The following DOCK3 variants were observed in gnomAD, a reference collection of about 807,000 sequenced individuals.
DOCK3 encodes the protein dedicator of cytokinesis 3.
Under a neutral mutation model 265.6 loss-of-function variants are expected in DOCK3, and 60 were observed. The observed-to-expected ratio is 0.23, with a 90% CI of 0.18 to 0.28. The LOEUF is 0.28. DOCK3 is among the 10% of genes least tolerant of loss of function. DOCK3 has a pLI of 1.00. For missense variants in DOCK3, 1,981 were observed against 2,594.3 expected (o/e 0.76, Z 5.14); for synonymous variants, 881 against 938.0 (o/e 0.94, Z 1.11).
At chr3:50,845,699 G>A (rs2046046850) in intron 3 of DOCK3, among the ~76,000 whole-genome samples, 1 of 152,204 alleles carries the variant, frequency 6.6e-6, no homozygotes, top group South Asian at 2.1e-4. Context: ...ATAAAATAGG[G>A]TTTATCAGGA....
intron 1 of DOCK3, among the ~76,000 whole-genome samples, chr3:50,760,444 T>C (rs2040454029): frequency 6.6e-6 from 1 of 152,222 alleles, no homozygotes; most frequent in Non-Finnish European, 1.5e-5. Flanking sequence ...AAATCATACC[T>C]TGAGTATTAA....
intron 5 of DOCK3, among the ~76,000 whole-genome samples, chr3:50,939,156 A>T (rs2051558196): frequency 6.6e-6 from 1 of 152,128 alleles, no homozygotes; most frequent in South Asian, 2.1e-4. Context: ...ACAACTTTAC[A>T]TACATGATAG....
intron 6 of DOCK3, among the ~76,000 whole-genome samples, chr3:51,071,751 A>G (rs1364561189): frequency 6.6e-6 from 1 of 152,198 alleles, no homozygotes; most frequent in African/African-American, 2.4e-5. Flanking sequence ...CTGTGAAGAT[A>G]GAGATCATGT....
intron 9 of DOCK3, among the ~76,000 whole-genome samples, chr3:51,112,315 A>G (rs756183656): frequency 1.3e-5 from 2 of 152,208 alleles, no homozygotes; most frequent in Non-Finnish European, 2.9e-5. Flanking sequence ...AGAAAAAATT[A>G]TAAGTAAAAA....
chr3:51,270,594 C>T (rs2080443145), intron 23 of DOCK3, among the ~76,000 whole-genome samples: 1 of 152,210 alleles, frequency 6.6e-6, no homozygotes, highest in African/African-American at 2.4e-5. Flanking sequence ...TGAAAGCCTC[C>T]AATTGCCTGG....
At position 51,201,814 on chromosome 3, in the gene DOCK3, C is replaced by A. The variant is rs577783797; in HGVS notation, c.1038-6960C>A. Among the ~76,000 whole-genome samples the A allele has an allele frequency of 2.0e-5, 3 of 152,096 alleles. No homozygotes were observed. The East Asian group carries it at 5.8e-4, about 29-fold the overall frequency. On this transcript the variant is annotated intron_variant, in intron 12 of 52. Transcript: ENST00000266037. ...AAATGTAAAAGAACAGAAATTATAA[C>A]AAACTGTCTCTCAGACCACAGTGCA...
At chr3:50,763,868 A>T (rs1320456978) in intron 1 of DOCK3, among the ~76,000 whole-genome samples, 1 of 152,156 alleles carries the variant, frequency 6.6e-6, no homozygotes, top group African/African-American at 2.4e-5. Context: ...TCAGTTTTCA[A>T]ATTGACTATG....
At chr3:51,072,107 A>G (rs2081898888) in intron 6 of DOCK3, among the ~76,000 whole-genome samples, 1 of 152,230 alleles carries the variant, frequency 6.6e-6, no homozygotes, top group Non-Finnish European at 1.5e-5. Context: ...GAGGATTAAC[A>G]TGAAGAATAT....
chr3:50,766,056 A>G (rs1428175144), intron 1 of DOCK3, among the ~76,000 whole-genome samples: 1 of 152,138 alleles, frequency 6.6e-6, no homozygotes, highest in Non-Finnish European at 1.5e-5. Flanking sequence ...ATTTCACTTA[A>G]TGTCTTCTAG....
chr3:51,196,463 T>C lies in DOCK3; in HGVS notation c.1038-12311T>C, dbSNP rs1640737998. On this transcript the variant is annotated intron_variant, in intron 12 of 52. Transcript: ENST00000266037. ...TCTAAATCTCTTGCTAGACTTGAGG[T>C]GTTTTCATTTTTGTTTGGTTAAATA... 6.6e-5 allele frequency among the ~76,000 whole-genome samples: 10 copies of C among 152,288 alleles called. 1 individual carries two copies. In the South Asian group the frequency reaches 2.1e-3, roughly 32 times the overall value.
intron 12 of DOCK3, among the ~76,000 whole-genome samples, chr3:51,196,815 GCTT>G (rs2088328332): frequency 1.3e-5 from 2 of 152,084 alleles, no homozygotes; most frequent in African/African-American, 4.8e-5. Flanking sequence ...ATCTCACTGA[GCTT>G]CTGTAAAATC....
chr3:51,033,428 T>A (rs1270820788), intron 5 of DOCK3, among the ~76,000 whole-genome samples: 1 of 152,234 alleles, frequency 6.6e-6, no homozygotes, highest in African/African-American at 2.4e-5. Flanking sequence ...CACCTTTTAG[T>A]AGCCATTGCT....
intron 5 of DOCK3, among the ~76,000 whole-genome samples, chr3:50,999,170 A>G (rs1209407227): frequency 6.6e-6 from 1 of 152,254 alleles, no homozygotes; most frequent in Non-Finnish European, 1.5e-5. Flanking sequence ...TTAGCAGAAA[A>G]TGACAACCAA....
At chr3:51,274,268 G>A (rs555052656) in intron 24 of DOCK3, among the ~76,000 whole-genome samples, 15 of 152,350 alleles carry the variant, frequency 9.8e-5, no homozygotes, top group African/African-American at 3.6e-4. Flanking sequence ...TAACAAGCCT[G>A]TGGGGGAAAG....
intron 5 of DOCK3, among the ~76,000 whole-genome samples, chr3:51,054,325 C>T (rs575315196): frequency 8.0e-4 from 121 of 152,130 alleles, no homozygotes; most frequent in Non-Finnish European, 1.2e-3. Flanking sequence ...TGAGATGTTC[C>T]ATGTCTTGTC....
chr3:50,832,672 C>G (rs1158183715), intron 2 of DOCK3, among the ~76,000 whole-genome samples: 1 of 152,100 alleles, frequency 6.6e-6, no homozygotes, highest in Non-Finnish European at 1.5e-5. Flanking sequence ...GATGGAGTTG[C>G]TTTTATTCAA....
At chr3:50,881,938 A>C (rs1035323870) in intron 3 of DOCK3, among the ~76,000 whole-genome samples, 1 of 152,186 alleles carries the variant, frequency 6.6e-6, no homozygotes, top group Non-Finnish European at 1.5e-5. Flanking sequence ...ATGGAATAGA[A>C]TAGAGCCCTC....
intron 9 of DOCK3, among the ~76,000 whole-genome samples, chr3:51,132,392 C>T (rs188538871): frequency 8.5e-5 from 13 of 152,240 alleles, no homozygotes; most frequent in East Asian, 5.8e-4. Context: ...TCTAGGGGCC[C>T]GCTGGGACTT....
intron 12 of DOCK3, among the ~76,000 whole-genome samples, chr3:51,202,318 A>G (rs1371975839): frequency 6.6e-6 from 1 of 151,240 alleles, no homozygotes; most frequent in Non-Finnish European, 1.5e-5. Flanking sequence ...AGATGCAATA[A>G]AAAATGATAA....
Sources: gnomAD v4.1 joint callset for allele counts (sites outside exome capture counted in the v4.1 genomes callset) on GRCh38, gnomAD v4.1.1 for gene constraint, MANE v1.5 for transcripts, NCBI Gene and HGNC (gene_info 2026-07-23, HGNC 2026-07-21) for gene names.